Variants in KSR2 observed in about 807,000 individuals in gnomAD.
KSR2 encodes the protein kinase suppressor of ras 2.
Under a neutral mutation model 107.8 loss-of-function variants are expected in KSR2, and 25 were observed. That is an observed-to-expected ratio of 0.23 (90% CI 0.17 to 0.32). KSR2 has a LOEUF of 0.32. Ranked by LOEUF, KSR2 falls within the 10% of genes least tolerant of loss-of-function variation. KSR2 has a pLI of 1.00. For missense variants in KSR2, 887 were observed against 1,268.9 expected, an observed-to-expected ratio of 0.70 and a Z score of 4.57; for synonymous variants, 480 against 507.0, an observed-to-expected ratio of 0.95 and a Z score of 0.71.
intron 5 of KSR2, among the ~76,000 whole-genome samples, chr12:117,599,333 C>T (rs929918161): frequency 3.3e-5 from 5 of 152,198 alleles, no homozygotes; most frequent in African/African-American, 1.2e-4. Context: ...TCCCAAACTT[C>T]ACGCATCAGA....
chr12:117,793,530 C>CAT (rs141422593), intron 3 of KSR2, among the ~76,000 whole-genome samples: 78,885 of 145,448 alleles, frequency 0.54, 22,143 homozygotes, highest in East Asian at 0.76. Flanking sequence ...CATACACCAA[C>CAT]GTGCACTCAC....
At chr12:117,468,461 T>C (rs1407939057) in intron 19 of KSR2, among the ~76,000 whole-genome samples, 2 of 152,150 alleles carry the variant, frequency 1.3e-5, no homozygotes, top group Non-Finnish European at 2.9e-5. Flanking sequence ...GATAAGCCCC[T>C]GGGGAAAGAA....
chr12:117,700,263 T>G (rs576205), intron 4 of KSR2, among the ~76,000 whole-genome samples: 60,729 of 151,940 alleles, frequency 0.4, 14,337 homozygotes, highest in South Asian at 0.55. Flanking sequence ...ACACAGAATG[T>G]TTGGGACTTA....
At chr12:117,794,532 CACA>C (rs1474844043) in intron 3 of KSR2, among the ~76,000 whole-genome samples, 5 of 144,012 alleles carry the variant, frequency 3.5e-5, no homozygotes, top group Non-Finnish European at 7.5e-5. Flanking sequence ...AACATGCACA[CACA>C]ACATGCACAC....
At chr12:117,667,433 C>T in intron 5 of KSR2, 41 bp downstream of exon 5, 1 of 1,573,544 alleles carries the variant, frequency 6.4e-7, no homozygotes, top group Admixed American at 1.8e-5. Flanking sequence ...AAGGAGGTGG[C>T]ATGGCAAGCG....
chr12:117,559,318 G>A (rs916334398), intron 7 of KSR2, among the ~76,000 whole-genome samples: 2 of 152,102 alleles, frequency 1.3e-5, no homozygotes, highest in African/African-American at 2.4e-5. Flanking sequence ...CTGCCCACAC[G>A]GACTTCACGT....
intron 4 of KSR2, among the ~76,000 whole-genome samples, chr12:117,704,253 A>G (rs1251652787): frequency 6.6e-6 from 1 of 152,188 alleles, no homozygotes; most frequent in Non-Finnish European, 1.5e-5. Flanking sequence ...TGCAGCCACT[A>G]AGATTGTATC....
intron 4 of KSR2, among the ~76,000 whole-genome samples, chr12:117,675,583 A>G (rs1885082482): frequency 6.6e-6 from 1 of 152,170 alleles, no homozygotes; most frequent in Non-Finnish European, 1.5e-5. Context: ...AGCTTTCATC[A>G]CAGAGATCGT....
At chr12:117,967,987 G>T in intron 1 of KSR2, 89 bp downstream of exon 1, 5 of 1,226,344 alleles carry the variant, frequency 4.1e-6, no homozygotes, top group Non-Finnish European at 4.6e-6. Context: ...GAATCAGAGG[G>T]AAAGGGGACC....
rs1555223901 is a variant in KSR2 at position 117,639,658 on chromosome 12, A to ATAT, written c.1171+27813_1171+27815dup. ...TATTATTATTATTATTATTATTATT[A>ATAT]TATTATTTTAATATTTTACTGAAAG... On this transcript the variant is annotated intron_variant, in intron 5 of 19. Transcript: ENST00000339824. Among the ~76,000 whole-genome samples, 4 of 102,866 alleles carry ATAT rather than the reference A, an allele frequency of 3.9e-5. No homozygotes were observed. The South Asian group carries it at 1.0e-3, about 26-fold the overall frequency. The allele number at this position is 102,866 out of a possible 152,430, so 67.5% of individuals were successfully genotyped here. A position where few individuals can be genotyped will look rare whatever the true frequency, so the allele number is the denominator to read the frequency against.
intron 1 of KSR2, among the ~76,000 whole-genome samples, chr12:117,896,457 C>T (rs577334886): frequency 1.3e-4 from 18 of 141,576 alleles, no homozygotes; most frequent in African/African-American, 4.4e-4. Context: ...TTTCGCACAA[C>T]ATTTTTTTTT....
intron 1 of KSR2, among the ~76,000 whole-genome samples, chr12:117,862,380 G>A (rs905746930): frequency 6.6e-5 from 10 of 152,062 alleles, no homozygotes; most frequent in East Asian, 5.8e-4. Context: ...CAAAAAATTC[G>A]GAGGGCCAGG....
chr12:117,753,436 A>G (rs1375358778), intron 4 of KSR2, among the ~76,000 whole-genome samples: 1 of 152,182 alleles, frequency 6.6e-6, no homozygotes, highest in Admixed American at 6.5e-5. Flanking sequence ...ATATCTATGT[A>G]TATAAGTATA....
chr12:117,685,891 T>C (rs1885549131), intron 4 of KSR2, among the ~76,000 whole-genome samples: 1 of 152,092 alleles, frequency 6.6e-6, no homozygotes, highest in African/African-American at 2.4e-5. Flanking sequence ...TAATGCTGAT[T>C]CCCCCCCTGT....
At chr12:117,557,695 AT>A (rs1314986146) in intron 8 of KSR2, among the ~76,000 whole-genome samples, 18 of 152,288 alleles carry the variant, frequency 1.2e-4, no homozygotes, top group African/African-American at 3.9e-4. Flanking sequence ...TTTTTATTTG[AT>A]TTTAATTAAT....
In KSR2 at chr12:117,467,223, G is replaced by C; in HGVS notation, c.2847-18C>G. ...GTCACAGCCTGGAGTGGGGAGAGAA[G>C]GGAGAGAGTGGTGAGAGGTCACAAG... On this transcript the variant is annotated intron_variant, in intron 19 of 19. Coordinates refer to ENST00000339824, the MANE Select transcript of KSR2 (RefSeq NM_173598.6). 1.4e-6 allele frequency: 1 copy of C among 732,406 alleles called. No individual in the cohort carries two copies. Among genetic ancestry groups the C allele is most frequent in the South Asian group, 1.5e-5 (1 of 67,444 alleles). 45.4% of individuals were successfully genotyped at this position (732,406 alleles called of 1,614,324 possible).
chr12:117,784,700 A>G (rs1306457137), intron 3 of KSR2, among the ~76,000 whole-genome samples: 1 of 152,178 alleles, frequency 6.6e-6, no homozygotes, highest in African/African-American at 2.4e-5. Context: ...GATCTGTGCA[A>G]CAAGACAAGA....
chr12:117,843,786 C>A lies in KSR2; in HGVS notation c.472+11642G>T, dbSNP rs541406955. 2.1e-3 allele frequency among the ~76,000 whole-genome samples: 322 copies of A among 152,304 alleles called. 1 individual carries two copies. Among genetic ancestry groups the A allele is most frequent in the Middle Eastern group, 0.014 (4 of 294 alleles). On this transcript the variant is annotated intron_variant, in intron 3 of 19. Coordinates refer to ENST00000339824, the MANE Select transcript of KSR2 (RefSeq NM_173598.6). ...GGCAATAGCCACAAAGGGCCAACAA[C>A]TTTCCCTGGGCATCTATCCAAGCCT...
intron 1 of KSR2, among the ~76,000 whole-genome samples, chr12:117,963,024 TAC>T (rs1478770546): frequency 2.0e-5 from 3 of 151,504 alleles, no homozygotes; most frequent in East Asian, 4.0e-4. Flanking sequence ...ACCCTGTCTC[TAC>T]TAAAAATACA....
Sources: gnomAD v4.1 joint callset for allele counts (sites outside exome capture counted in the v4.1 genomes callset) on GRCh38, gnomAD v4.1.1 for gene constraint, MANE v1.5 for transcripts, NCBI Gene and HGNC (gene_info 2026-07-23, HGNC 2026-07-21) for gene names.